CNTN4: variants seen among roughly 807,000 people sequenced by gnomAD.
CNTN4 encodes the protein contactin 4, also known as contactin-4.
CNTN4 carries 77 observed loss-of-function variants against 122.5 expected under a neutral mutation model. The ratio of observed to expected loss-of-function variants is 0.63; its 90% confidence interval spans 0.52 to 0.76. The LOEUF (loss-of-function observed/expected upper bound fraction) is 0.76. Ranked by LOEUF, CNTN4 falls within the 30% of genes least tolerant of loss-of-function variation. CNTN4 has a pLI of 0.00. For synonymous variants in CNTN4, 512 were observed against 447.0 expected (o/e 1.15, Z -1.83); for missense variants, 1,256 against 1,259.1 (o/e 1.00, Z 0.04).
chr3:2,981,288 C>CAAAAAAAAA, intron 13 of CNTN4, among the ~76,000 whole-genome samples: 1 of 151,662 alleles, frequency 6.6e-6, no homozygotes, highest in Admixed American at 6.6e-5. Flanking sequence ...ACTAAAAATA[C>CAAAAAAAAA]AAAAAATTAG....
intron 15 of CNTN4, among the ~76,000 whole-genome samples, chr3:3,029,952 G>A (rs1183912232): frequency 2.0e-5 from 3 of 152,110 alleles, no homozygotes; most frequent in African/African-American, 4.8e-5. Context: ...TGTATAGTTT[G>A]GAATGGGAAA....
intron 7 of CNTN4, among the ~76,000 whole-genome samples, chr3:2,845,053 C>T (rs1207470384): frequency 1.3e-5 from 2 of 152,058 alleles, no homozygotes; most frequent in African/African-American, 2.4e-5. Context: ...ATTATATAAA[C>T]TAATGAAATA....
intron 4 of CNTN4, among the ~76,000 whole-genome samples, chr3:2,615,783 G>C (rs2081697092): frequency 6.6e-6 from 1 of 152,174 alleles, no homozygotes; most frequent in African/African-American, 2.4e-5. Context: ...TTGTGAGGGA[G>C]GCTAGATATA....
At chr3:2,673,498 C>T (rs569700513) in intron 4 of CNTN4, among the ~76,000 whole-genome samples, 1 of 152,108 alleles carries the variant, frequency 6.6e-6, no homozygotes, top group African/African-American at 2.4e-5. Context: ...CTGCTTTGAT[C>T]AGTAGAATGT....
intron 3 of CNTN4, among the ~76,000 whole-genome samples, chr3:2,484,588 A>G (rs962823270): frequency 6.6e-6 from 1 of 152,200 alleles, no homozygotes; most frequent in Non-Finnish European, 1.5e-5. Flanking sequence ...CACAGGACCA[A>G]TGTGACTCTT....
chr3:2,417,044 G>A (rs866266216), intron 3 of CNTN4, among the ~76,000 whole-genome samples: 1 of 152,216 alleles, frequency 6.6e-6, no homozygotes, highest in African/African-American at 2.4e-5. Context: ...AGAGCTGGCA[G>A]ACTGGTTATA....
chr3:2,537,851 G>C (rs1452632065), intron 3 of CNTN4, among the ~76,000 whole-genome samples: 4 of 151,870 alleles, frequency 2.6e-5, no homozygotes, highest in Non-Finnish European at 4.4e-5. Flanking sequence ...AAGTAATTGG[G>C]GGTACATCTC....
intron 2 of CNTN4, among the ~76,000 whole-genome samples, chr3:2,129,733 C>A (rs67867674): frequency 0.056 from 8,495 of 151,492 alleles, 399 homozygotes; most frequent in East Asian, 0.24. Flanking sequence ...TGACCTTGAA[C>A]AACCTTTCTG....
At chr3:3,008,119 A>G (rs560143461) in intron 14 of CNTN4, among the ~76,000 whole-genome samples, 14 of 152,306 alleles carry the variant, frequency 9.2e-5, no homozygotes, top group Admixed American at 3.9e-4. Flanking sequence ...TACTTAAGAT[A>G]ATGAGTCCTA....
chr3:2,413,200 T>C (rs138386976), intron 3 of CNTN4, among the ~76,000 whole-genome samples: 293 of 152,336 alleles, frequency 1.9e-3, no homozygotes, highest in African/African-American at 6.5e-3. Context: ...ATCTCTACTT[T>C]AGTGGAACCA....
intron 3 of CNTN4, among the ~76,000 whole-genome samples, chr3:2,355,379 C>G (rs1432546838): frequency 2.0e-5 from 3 of 152,150 alleles, no homozygotes; most frequent in Non-Finnish European, 1.5e-5. Context: ...TGATCAATGT[C>G]TTGGCCAAGA....
chr3:2,490,020 T>C (rs1015691565), intron 3 of CNTN4, among the ~76,000 whole-genome samples: 1 of 152,126 alleles, frequency 6.6e-6, no homozygotes, highest in African/African-American at 2.4e-5. Context: ...AAGTCATATA[T>C]TATCCTATAC....
At chr3:2,949,445 G>T (rs1481044002) in intron 13 of CNTN4, among the ~76,000 whole-genome samples, 2 of 152,156 alleles carry the variant, frequency 1.3e-5, no homozygotes, top group African/African-American at 2.4e-5. Context: ...TTCAGGAAGG[G>T]CCTTTTCCCA....
intron 14 of CNTN4, among the ~76,000 whole-genome samples, chr3:2,995,601 T>G (rs1392715202): frequency 3.3e-5 from 5 of 152,208 alleles, no homozygotes; most frequent in African/African-American, 1.2e-4. Flanking sequence ...TTTTTGCTTT[T>G]GGCATAAAAG....
intron 3 of CNTN4, among the ~76,000 whole-genome samples, chr3:2,526,257 G>T (rs943966927): frequency 6.6e-6 from 1 of 152,020 alleles, no homozygotes; most frequent in African/African-American, 2.4e-5. Context: ...AGAATACTCT[G>T]TTTCAGAAGT....
At chr3:2,339,776 C>G (rs998369687) in intron 3 of CNTN4, among the ~76,000 whole-genome samples, 2 of 152,146 alleles carry the variant, frequency 1.3e-5, no homozygotes, top group East Asian at 3.8e-4. Context: ...TTTCCTGATG[C>G]TGATCCAATA....
chr3:2,629,535 C>G (rs899446745), intron 4 of CNTN4: 3 of 453,284 alleles, frequency 6.6e-6, no homozygotes, highest in African/African-American at 6.0e-5. Context: ...GGTTCACAGA[C>G]TGACTTCTGG....
At chr3:2,189,977 A>G (rs2037450893) in intron 2 of CNTN4, among the ~76,000 whole-genome samples, 1 of 152,156 alleles carries the variant, frequency 6.6e-6, no homozygotes, top group African/African-American at 2.4e-5. Flanking sequence ...GTGTCTCCTC[A>G]TACAGGAAGG....
At chr3:2,541,904 T>A (rs1259908410) in intron 3 of CNTN4, among the ~76,000 whole-genome samples, 1 of 152,052 alleles carries the variant, frequency 6.6e-6, no homozygotes, top group East Asian at 1.9e-4. Context: ...AACTCTAATA[T>A]TTATCTCTGT....
Sources: gnomAD v4.1 joint callset for allele counts (sites outside exome capture counted in the v4.1 genomes callset) on GRCh38, gnomAD v4.1.1 for gene constraint, MANE v1.5 for transcripts, NCBI Gene and HGNC (gene_info 2026-07-23, HGNC 2026-07-21) for gene names.